PCDH15: variants seen among roughly 807,000 people sequenced by gnomAD.
PCDH15 encodes protocadherin-15.
A neutral mutation model predicts 178.5 loss-of-function variants in PCDH15; 129 were observed. The ratio of observed to expected loss-of-function variants is 0.72; its 90% CI spans 0.63 to 0.84. The LOEUF is 0.84. Among genes scored for constraint, PCDH15 ranks in the 40% least tolerant of loss-of-function variants. The pLI is 0.00. For synonymous variants in PCDH15, 800 were observed against 732.0 expected (o/e 1.09, Z -1.50); for missense variants, 2,230 against 2,099.9 (o/e 1.06, Z -1.21).
At chr10:54,167,104 T>C (rs1158729356) in intron 13 of PCDH15, among the ~76,000 whole-genome samples, 1 of 152,168 alleles carries the variant, frequency 6.6e-6, no homozygotes. Context: ...TGTTTGATGG[T>C]CTCTTCACAT....
chr10:54,638,666 C>T (rs1261572985), intron 2 of PCDH15, among the ~76,000 whole-genome samples: 1 of 151,634 alleles, frequency 6.6e-6, no homozygotes, highest in Non-Finnish European at 1.5e-5. Flanking sequence ...CCATTTGATC[C>T]AGCAATTCCA....
chr10:54,086,649 T>C (rs1256382094), intron 16 of PCDH15, among the ~76,000 whole-genome samples: 2 of 152,030 alleles, frequency 1.3e-5, no homozygotes, highest in Non-Finnish European at 2.9e-5. Context: ...AACAACAGCA[T>C]TGAGGTGGTG....
intron 2 of PCDH15, among the ~76,000 whole-genome samples, chr10:55,575,101 TGCAGTGGAA>T (rs1842472612): frequency 6.6e-6 from 1 of 152,116 alleles, no homozygotes; most frequent in Admixed American, 6.6e-5. Context: ...TCCTAAGGAT[TGCAGTGGAA>T]GCAGTTAACC....
chr10:54,657,412 A>G (rs925740766), intron 2 of PCDH15, among the ~76,000 whole-genome samples: 1 of 152,166 alleles, frequency 6.6e-6, no homozygotes, highest in African/African-American at 2.4e-5. Context: ...GCAGGCTCTT[A>G]TGCTTAAGTG....
At chr10:54,524,506 G>A (rs2083193218) in intron 3 of PCDH15, among the ~76,000 whole-genome samples, 1 of 152,212 alleles carries the variant, frequency 6.6e-6, no homozygotes, top group Admixed American at 6.5e-5. Flanking sequence ...CAAGGACTCT[G>A]ATGTGGCTGG....
At chr10:55,171,506 G>A (rs557321268) in intron 1 of PCDH15, among the ~76,000 whole-genome samples, 3 of 151,812 alleles carry the variant, frequency 2.0e-5, no homozygotes, top group South Asian at 2.1e-4. Flanking sequence ...TTTAGGCCAC[G>A]ATAATATAAG....
chr10:54,266,514 G>A (rs992903269), intron 8 of PCDH15, among the ~76,000 whole-genome samples: 3 of 151,724 alleles, frequency 2.0e-5, no homozygotes, highest in Non-Finnish European at 4.4e-5. Flanking sequence ...TCAACAAAAT[G>A]AAAAGTTGGT....
intron 2 of PCDH15, among the ~76,000 whole-genome samples, chr10:54,979,603 AG>A (rs368953568): frequency 0.15 from 21,953 of 147,798 alleles, 1,725 homozygotes; most frequent in South Asian, 0.2. Context: ...CAAGAGGCAG[AG>A]GTTGCAGTGA....
In PCDH15 at chr10:54,378,843, A is replaced by T; in HGVS notation, c.257T>A (p.Leu86Ter). Residue 86 changes from leucine (L) to a stop codon, truncating the protein, a stop_gained, in exon 4 of 38, where the codon TTG (leucine) becomes TAG (stop). Transcript: ENST00000644397. LOFTEE classifies it high-confidence loss of function. ...SLKDNVDYWV[L>*]MDPVKQMLFL... ...AAGCATTTGCTTAACAGGATCCATC[A>T]ACACCCAGTAATCCACATTATCCTT... is the stretch of plus-strand genomic sequence containing the variant. 6.2e-7 allele frequency: 1 copy of T among 1,613,946 alleles called. No individual in the cohort carries two copies. The highest frequency in any genetic ancestry group is 8.5e-7 in the Non-Finnish European group (1 of 1,179,892).
chr10:55,547,910 T>TGTGTGAGAGAGAGAGAGAGAGA (rs541144266), intron 2 of PCDH15, among the ~76,000 whole-genome samples: 8 of 54,526 alleles, frequency 1.5e-4, no homozygotes, highest in Admixed American at 6.3e-4. Flanking sequence ...TGTGTGTGTG[T>TGTGTGAGAGAGAGAGAGAGAGA]GAGAGAGAGA....
At chr10:54,625,042 T>C (rs2093502216) in intron 2 of PCDH15, among the ~76,000 whole-genome samples, 1 of 152,062 alleles carries the variant, frequency 6.6e-6, no homozygotes, top group Admixed American at 6.6e-5. Context: ...CGTAGAAAAA[T>C]TGTCTTCAGT....
chr10:54,294,107 G>A (rs1339139055), intron 8 of PCDH15, among the ~76,000 whole-genome samples: 4 of 151,838 alleles, frequency 2.6e-5, no homozygotes, highest in African/African-American at 7.3e-5. Context: ...AGAAAATATG[G>A]CACATATACA....
At chr10:54,332,159 T>C (rs1939748352) in intron 6 of PCDH15, among the ~76,000 whole-genome samples, 1 of 145,722 alleles carries the variant, frequency 6.9e-6, no homozygotes, top group South Asian at 2.1e-4. Context: ...TATTACCCCA[T>C]CTCTGAAAAA....
chr10:54,395,302 C>A lies in PCDH15; in HGVS notation c.158-16360G>T, dbSNP rs546085777. Among the ~76,000 whole-genome samples, 26 of 152,086 alleles carry A rather than the reference C, an allele frequency of 1.7e-4. No homozygotes were observed. In the South Asian group the frequency reaches 5.2e-3, roughly 30 times the overall value. ...CCATGAAATCTTCACAATCTACGTT[C>A]TTCTGCCATGGCTTCAGCAGGTCCC... On this transcript the variant is annotated intron_variant, in intron 3 of 37. Transcript: ENST00000644397.
intron 2 of PCDH15, among the ~76,000 whole-genome samples, chr10:55,142,742 A>C (rs2799610): frequency 2.0e-5 from 3 of 150,606 alleles, no homozygotes; most frequent in Non-Finnish European, 3.0e-5. Context: ...AGGTTCAGCA[A>C]ACTCAAGTCT....
chr10:54,911,072 A>C (rs1460022017), intron 2 of PCDH15, among the ~76,000 whole-genome samples: 2 of 152,256 alleles, frequency 1.3e-5, no homozygotes, highest in Non-Finnish European at 2.9e-5. Flanking sequence ...GGAAAGGATG[A>C]AGTGAAATAT....
At chr10:55,206,017 C>G (rs142303870) in intron 1 of PCDH15, among the ~76,000 whole-genome samples, 1 of 151,848 alleles carries the variant, frequency 6.6e-6, no homozygotes. Context: ...AAAGACCCAC[C>G]CCCAAGATTC....
chr10:54,628,826 C>T (rs931271701), intron 2 of PCDH15, among the ~76,000 whole-genome samples: 1 of 152,110 alleles, frequency 6.6e-6, no homozygotes, highest in East Asian at 1.9e-4. Flanking sequence ...ATGTGGCTGA[C>T]ATGATGTCTG....
At chr10:54,817,519 C>A (rs577083856) in intron 3 of PCDH15, among the ~76,000 whole-genome samples, 18 of 152,046 alleles carry the variant, frequency 1.2e-4, no homozygotes, top group African/African-American at 3.6e-4. Flanking sequence ...AAAGAGAATT[C>A]CTGTGACCTC....
Sources: allele counts gnomAD v4.1 joint callset (sites outside exome capture counted in the v4.1 genomes callset), GRCh38; gene constraint gnomAD v4.1.1; transcripts MANE v1.5; gene names NCBI Gene and HGNC (gene_info 2026-07-23, HGNC 2026-07-21).